The following CACNB4 variants were observed in gnomAD, a reference collection of about 807,000 sequenced individuals.
CACNB4 encodes calcium voltage-gated channel auxiliary subunit beta 4.
In CACNB4, 32 loss-of-function variants were observed where a neutral mutation model predicts 71.2. The observed-to-expected ratio is 0.45, with a 90% CI of 0.34 to 0.60. The LOEUF is 0.60. Among genes scored for constraint, CACNB4 ranks in the 20% least tolerant of loss-of-function variants. The probability of loss-of-function intolerance (pLI) is 0.01; values close to 1 mark genes in which losing one functional copy is unlikely to be tolerated. For synonymous variants in CACNB4, 231 were observed against 236.9 expected (o/e 0.97, Z 0.23); for missense variants, 464 against 647.9 (o/e 0.72, Z 3.08).
At chr2:151,928,491 A>C (rs2099860821) in intron 2 of CACNB4, among the ~76,000 whole-genome samples, 2 of 152,194 alleles carry the variant, frequency 1.3e-5, no homozygotes, top group Non-Finnish European at 1.5e-5. Flanking sequence ...ATAACTCTCA[A>C]GGGATTACAC....
chr2:151,864,368 C>A (rs2099842542), intron 9 of CACNB4, among the ~76,000 whole-genome samples: 1 of 152,176 alleles, frequency 6.6e-6, no homozygotes, highest in Non-Finnish European at 1.5e-5. Flanking sequence ...CTAACTGCTG[C>A]AATCCATCGT....
chr2:152,052,216 C>T (rs1320413149), intron 2 of CACNB4, among the ~76,000 whole-genome samples: 2 of 152,306 alleles, frequency 1.3e-5, no homozygotes, highest in East Asian at 1.9e-4. Flanking sequence ...CATTTTAACA[C>T]GAAGCCTATT....
intron 2 of CACNB4, chr2:151,973,296 G>C: frequency 5.1e-6 from 1 of 194,886 alleles, no homozygotes; most frequent in African/African-American, 2.3e-5. Flanking sequence ...ATTATATAAT[G>C]AATGAGGCTT....
intron 3 of CACNB4, among the ~76,000 whole-genome samples, chr2:151,882,601 G>T (rs73967710): frequency 0.017 from 2,601 of 152,148 alleles, 74 homozygotes; most frequent in African/African-American, 0.06. Flanking sequence ...ACAAAACAAA[G>T]TTGGAAGCAC....
chr2:152,027,537 A>G (rs1283352720), intron 2 of CACNB4, among the ~76,000 whole-genome samples: 1 of 152,116 alleles, frequency 6.6e-6, no homozygotes, highest in Non-Finnish European at 1.5e-5. Context: ...GCCATGTGCT[A>G]CCTCTTTGGC....
intron 2 of CACNB4, among the ~76,000 whole-genome samples, chr2:151,978,246 A>C (rs1056789162): frequency 1.2e-4 from 18 of 152,206 alleles, no homozygotes; most frequent in Non-Finnish European, 1.3e-4. Flanking sequence ...CATGAAGACC[A>C]TGGAGATAAT....
chr2:152,004,748 T>C (rs1579110869), intron 2 of CACNB4, among the ~76,000 whole-genome samples: 1 of 152,008 alleles, frequency 6.6e-6, no homozygotes. Flanking sequence ...GGCTGGACAA[T>C]GGGGATAGGG....
intron 2 of CACNB4, among the ~76,000 whole-genome samples, chr2:151,988,493 C>G (rs554575339): frequency 6.6e-6 from 1 of 152,250 alleles, no homozygotes; most frequent in East Asian, 1.9e-4. Context: ...CCTTGGGCCT[C>G]TACTAGTCTC....
At chr2:151,858,565 T>G (rs181437793) in intron 10 of CACNB4, 1 of 152,380 alleles carries the variant, frequency 6.6e-6, no homozygotes, top group African/African-American at 2.4e-5. Flanking sequence ...TTTCCAAATT[T>G]ATTTGACAAT....
chr2:151,877,028 C>A (rs59000518), intron 4 of CACNB4, among the ~76,000 whole-genome samples: 7,266 of 146,228 alleles, frequency 0.05, 676 homozygotes, highest in East Asian at 0.41. Context: ...TGTATGTGTG[C>A]ATATATAGAT....
chr2:152,010,168 G>A (rs1018598919), intron 2 of CACNB4, among the ~76,000 whole-genome samples: 4 of 152,086 alleles, frequency 2.6e-5, no homozygotes, highest in East Asian at 1.9e-4. Flanking sequence ...AAGCTTCTTC[G>A]TTGAATATGA....
chr2:151,996,856 C>G (rs867462732), intron 2 of CACNB4, among the ~76,000 whole-genome samples: 2 of 152,126 alleles, frequency 1.3e-5, no homozygotes, highest in Non-Finnish European at 2.9e-5. Flanking sequence ...GAAATGTCAT[C>G]ACAGACAGAC....
At chr2:151,879,471 CTACTT>C (rs2099847289) in intron 4 of CACNB4, 1 of 150,140 alleles carries the variant, frequency 6.7e-6, no homozygotes, top group Non-Finnish European at 1.5e-5. Flanking sequence ...TATTGAGAAA[CTACTT>C]AACATGGTGC....
intron 2 of CACNB4, among the ~76,000 whole-genome samples, chr2:151,947,196 A>G (rs2099865806): frequency 6.6e-6 from 1 of 152,206 alleles, no homozygotes; most frequent in South Asian, 2.1e-4. Context: ...CCTGTAACAC[A>G]GGGTCACCCA....
chr2:151,883,046 A>G (rs2099848375), intron 3 of CACNB4: 1 of 563,112 alleles, frequency 1.8e-6, no homozygotes, highest in African/African-American at 1.9e-5. Context: ...ACCAAATACA[A>G]AAAGGTGAAG....
At chr2:151,913,488 A>T (rs563863907) in intron 2 of CACNB4, among the ~76,000 whole-genome samples, 1 of 152,076 alleles carries the variant, frequency 6.6e-6, no homozygotes, top group Non-Finnish European at 1.5e-5. Context: ...TGAATAGGCC[A>T]GGTGTGGTGG....
At chr2:151,944,476 A>G (rs2099865083) in intron 2 of CACNB4, among the ~76,000 whole-genome samples, 1 of 152,172 alleles carries the variant, frequency 6.6e-6, no homozygotes, top group Non-Finnish European at 1.5e-5. Context: ...TAGGTATTAA[A>G]CAGGAGAGAG....
rs1316374049 is a variant in CACNB4, at chr2:151,832,781, T to C, written c.*6338A>G. The stretch of plus-strand genomic sequence containing the variant: ...GAGGTATAACGCTGGTTTCAGTGTT[T>C]TTTTCATTTATTATATAAAAGAAAA... On this transcript the variant is annotated 3_prime_UTR_variant, in exon 14 of 14. Transcript: ENST00000539935. 1 of 152,168 alleles carries C rather than the reference T, an allele frequency of 6.6e-6. No homozygotes were observed. The highest frequency in any genetic ancestry group is 2.4e-5 in the African/African-American group (1 of 41,456). The allele number at this position is 152,168 out of a possible 1,614,324, so 9.4% of individuals were successfully genotyped here. A position where few individuals can be genotyped will look rare whatever the true frequency, so the allele number is the denominator to read the frequency against.
intron 2 of CACNB4, among the ~76,000 whole-genome samples, chr2:151,989,996 T>C (rs750032019): frequency 6.6e-6 from 1 of 152,150 alleles, no homozygotes; most frequent in Non-Finnish European, 1.5e-5. Flanking sequence ...CTCTCCCAAT[T>C]TGTTCCCTGT....
Sources: gnomAD v4.1 joint callset for allele counts (sites outside exome capture counted in the v4.1 genomes callset) on GRCh38, gnomAD v4.1.1 for gene constraint, MANE v1.5 for transcripts, NCBI Gene and HGNC (gene_info 2026-07-23, HGNC 2026-07-21) for gene names.